The following DCTN4 variants were observed in gnomAD, a reference collection of about 807,000 sequenced individuals.
DCTN4 encodes dynactin subunit 4, also known as dynactin 4 (p62).
DCTN4 carries 23 observed loss-of-function variants against 62.7 expected under a neutral mutation model. That is an observed-to-expected ratio of 0.37 (90% CI 0.26 to 0.52). The LOEUF is 0.52. Ranked by LOEUF, DCTN4 falls within the 20% of genes least tolerant of loss-of-function variation. DCTN4 has a pLI of 0.92. For missense variants in DCTN4, 514 were observed against 580.4 expected (o/e 0.89, Z 1.18); for synonymous variants, 199 against 202.1 (o/e 0.98, Z 0.13).
chr5:150,717,100 TATC>T (rs1212898906), intron 11 of DCTN4, among the ~76,000 whole-genome samples: 3 of 152,230 alleles, frequency 2.0e-5, no homozygotes, highest in Admixed American at 6.5e-5. Context: ...CTATTATAAA[TATC>T]ATGCTGAATT....
intron 2 of DCTN4, among the ~76,000 whole-genome samples, chr5:150,755,905 T>TAAAG (rs1752842491): frequency 1.3e-5 from 2 of 152,182 alleles, no homozygotes; most frequent in Non-Finnish European, 2.9e-5. Flanking sequence ...CCATACTATC[T>TAAAG]TCACCATAAT....
intron 12 of DCTN4, among the ~76,000 whole-genome samples, chr5:150,713,794 T>C (rs945608492): frequency 6.6e-6 from 1 of 152,024 alleles, no homozygotes; most frequent in Admixed American, 6.6e-5. Flanking sequence ...TAATATCTTG[T>C]TGAGAAAGCT....
chr5:150,735,978 A>G (rs1033696933), intron 4 of DCTN4, among the ~76,000 whole-genome samples: 1 of 151,910 alleles, frequency 6.6e-6, no homozygotes, highest in African/African-American at 2.4e-5. Context: ...CAGCATAAAT[A>G]ATAAACAATC....
intron 6 of DCTN4, 80 bp downstream of exon 6, chr5:150,731,336 T>C: frequency 8.3e-7 from 1 of 1,199,604 alleles, no homozygotes. Flanking sequence ...TGTGTGTGTG[T>C]GTGTGTTTTA....
rs150652365 is a variant in DCTN4, at chr5:150,732,878, T to C, written c.537+490A>G. Reference sequence around the variant, plus strand: ...AAATTCTACTTGCATATATTACTATTTAACCACACAAGTGCACTATGTAAA... The same window carrying C: ...AAATTCTACTTGCATATATTACTATCTAACCACACAAGTGCACTATGTAAA... On this transcript the variant is annotated intron_variant, in intron 5 of 12. Transcript: ENST00000447998. Among the ~76,000 whole-genome samples, 108 of 152,352 alleles carry C rather than the reference T, an allele frequency of 7.1e-4. 2 individuals carry two copies. The East Asian group carries it at 0.02, about 29-fold the overall frequency.
rs145810652 is a variant in DCTN4, at chr5:150,731,069, A to G, written c.699T>C (p.Tyr233=). Residue 233 remains tyrosine (Y), a synonymous_variant, in exon 7 of 13, where the codon TAT becomes TAC. Coordinates refer to ENST00000447998, the MANE Select transcript of DCTN4 (RefSeq NM_016221.4). ...DEVEPLPEDY[Y]TRPVNLTEVT... The stretch of plus-strand genomic sequence containing the variant: ...CCTCTGTTAAATTTACTGGTCTTGT[A>G]TAATAGTCTTCAGGTAGAGGTTCCA... The G allele has an allele frequency of 5.6e-6, 9 of 1,605,834 alleles. No individual in the cohort carries two copies. The highest frequency in any genetic ancestry group is 1.1e-5 in the South Asian group (1 of 90,910).
chr5:150,753,610 G>A lies in DCTN4; in HGVS notation c.254C>T (p.Thr85Ile). The A allele has an allele frequency of 6.2e-7, 1 of 1,614,132 alleles. No individual in the cohort carries two copies. Among genetic ancestry groups the A allele is most frequent in the Non-Finnish European group, 8.5e-7 (1 of 1,180,000 alleles). ...CTGTGTGGAGATGCTCGTGGCCCGA[G>A]TAGAGAGGGTGTGCATGCAGCCAGG... ...DCPGCMHTLS[T>I]RATSISTQLP... Residue 85 changes from threonine to isoleucine, a missense_variant, in exon 3 of 13, where the codon ACT becomes ATT. Physicochemically the swap from Thr to Ile is moderately conservative, Grantham distance 89 (BLOSUM62 -1). Coordinates refer to ENST00000447998, the MANE Select transcript of DCTN4 (RefSeq NM_016221.4).
chr5:150,756,270 T>C (rs1175776372), intron 2 of DCTN4, 147 bp downstream of exon 2: 7 of 479,658 alleles, frequency 1.5e-5, no homozygotes, highest in Non-Finnish European at 2.6e-5. Context: ...ATCAACCTCT[T>C]GACCTCGTGA....
chr5:150,736,147 C>CAAGGAAG (rs1355947204), intron 4 of DCTN4, among the ~76,000 whole-genome samples: 1 of 152,036 alleles, frequency 6.6e-6, no homozygotes, highest in African/African-American at 2.4e-5. Flanking sequence ...TTGGTGTTCC[C>CAAGGAAG]AAGGAAGAAG....
chr5:150,718,610 C>T (rs1331194667), intron 10 of DCTN4, among the ~76,000 whole-genome samples: 1 of 152,030 alleles, frequency 6.6e-6, no homozygotes, highest in Non-Finnish European at 1.5e-5. Context: ...GGGACAGATT[C>T]CACTGAAAGG....
Position 150,758,213 on chromosome 5 carries a change from T to G in DCTN4, c.135+646A>C, listed in dbSNP as rs557105388. The G allele has an allele frequency of 2.0e-5, 20 of 985,614 alleles. No homozygotes were observed. In the Admixed American group the frequency reaches 1.2e-3, roughly 58 times the overall value. 61.1% of individuals were successfully genotyped at this position (985,614 alleles called of 1,614,324 possible). On this transcript the variant is annotated intron_variant, in intron 1 of 12. Transcript: ENST00000447998. The stretch of plus-strand genomic sequence containing the variant: ...TGGTGACTTTTTACTGGCCGGGGTC[T>G]TCTTTTTGAAAAATCCAACTTCGGA...
At position 150,757,968 on chromosome 5, in the gene DCTN4, A is replaced by T. The variant is rs189720752; in HGVS notation, c.135+891T>A. 1.5e-3 allele frequency: 1,111 copies of T among 738,222 alleles called. 9 individuals carry two copies. In the African/African-American group the frequency reaches 0.019, roughly 13 times the overall value. 45.7% of individuals were successfully genotyped at this position (738,222 alleles called of 1,614,324 possible). On this transcript the variant is annotated intron_variant, in intron 1 of 12. Transcript: ENST00000447998. ...CTTTACCTGTAAAAAAAATTTTTTA[A>T]AAAAAGTATCCACTTAAATTGGTTT...
At chr5:150,731,376 C>A in intron 6 of DCTN4, 40 bp downstream of exon 6, 4 of 1,493,716 alleles carry the variant, frequency 2.7e-6, no homozygotes, top group Middle Eastern at 1.7e-4. Flanking sequence ...CATTTTGATA[C>A]CTGCTGTTCT....
At chr5:150,751,941 C>T (rs1370131367) in intron 3 of DCTN4, among the ~76,000 whole-genome samples, 2 of 152,094 alleles carry the variant, frequency 1.3e-5, no homozygotes, top group African/African-American at 2.4e-5. Context: ...AAGGTTTTAG[C>T]CAGTCTGCTT....
rs183173569 is a variant in DCTN4 at position 150,715,117 on chromosome 5, A to T, written c.1169+448T>A. On this transcript the variant is annotated intron_variant, in intron 12 of 12. Coordinates refer to ENST00000447998, the MANE Select transcript of DCTN4 (RefSeq NM_016221.4). ...GTTACTGGAAGGTTTGGTTCTTTTC[A>T]GTTATTAGATATGAGAGAGTAAAAT... Among the ~76,000 whole-genome samples, 38 of 133,962 alleles carry T rather than the reference A, an allele frequency of 2.8e-4. No individual in the cohort carries two copies. The East Asian group carries it at 8.3e-3, about 29-fold the overall frequency. 87.9% of individuals were successfully genotyped at this position (133,962 alleles called of 152,430 possible).
At chr5:150,730,259 T>C (rs1760310748) in intron 8 of DCTN4, among the ~76,000 whole-genome samples, 1 of 152,242 alleles carries the variant, frequency 6.6e-6, no homozygotes, top group Admixed American at 6.5e-5. Context: ...TACCAGAGCC[T>C]GGATTTTGCT....
intron 9 of DCTN4, among the ~76,000 whole-genome samples, chr5:150,722,311 A>G (rs1759982814): frequency 6.6e-6 from 1 of 152,242 alleles, no homozygotes; most frequent in Non-Finnish European, 1.5e-5. Context: ...TATGTATTAG[A>G]AAAGTATGAT....
rs1168808443 is a variant in DCTN4 at position 150,731,165 on chromosome 5, T to C, written c.612-9A>G. The C allele has an allele frequency of 6.4e-7, 1 of 1,573,932 alleles. No individual in the cohort carries two copies. Among genetic ancestry groups the C allele is most frequent in the South Asian group, 1.1e-5 (1 of 89,342 alleles). On this transcript the variant is annotated splice_polypyrimidine_tract_variant and intron_variant, in intron 6 of 12. Transcript: ENST00000447998. ...CCTCTCCTTCTTTAAGGCTGAAAAA[T>C]TAAAAAAACAAAACAAAACAAAACA...
chr5:150,724,078 C>G (rs1479085777), intron 8 of DCTN4, among the ~76,000 whole-genome samples: 1 of 152,158 alleles, frequency 6.6e-6, no homozygotes, highest in African/African-American at 2.4e-5. Flanking sequence ...AAGAGTAGAT[C>G]AAAGGGTGTA....
Sources: allele counts gnomAD v4.1 joint callset (sites outside exome capture counted in the v4.1 genomes callset), GRCh38; gene constraint gnomAD v4.1.1; transcripts MANE v1.5; gene names NCBI Gene and HGNC (gene_info 2026-07-23, HGNC 2026-07-21).